BICC1: variants seen among roughly 807,000 people sequenced by gnomAD.
BICC1 encodes the protein protein bicaudal C homolog 1.
In BICC1, 43 loss-of-function variants were observed where a neutral mutation model predicts 111.0. The ratio of observed to expected loss-of-function variants is 0.39; its 90% CI spans 0.30 to 0.50. The LOEUF is 0.50. Among genes scored for constraint, BICC1 ranks in the 20% least tolerant of loss-of-function variants. BICC1 has a pLI of 0.88. For synonymous variants in BICC1, 467 were observed against 434.4 expected (o/e 1.07, Z -0.93); for missense variants, 1,091 against 1,203.2 (o/e 0.91, Z 1.38).
chr10:58,534,185 C>T (rs1194844865), intron 1 of BICC1, among the ~76,000 whole-genome samples: 1 of 151,700 alleles, frequency 6.6e-6, no homozygotes, highest in Non-Finnish European at 1.5e-5. Context: ...CATTAAGTCT[C>T]CCCTTACCCA....
chr10:58,819,687 G>C (rs1589171440), intron 19 of BICC1, among the ~76,000 whole-genome samples: 1 of 152,208 alleles, frequency 6.6e-6, no homozygotes, highest in African/African-American at 2.4e-5. Context: ...TCAACCCTCT[G>C]TGCCCACAGC....
At chr10:58,527,666 T>G (rs1489415557) in intron 1 of BICC1, among the ~76,000 whole-genome samples, 1 of 152,116 alleles carries the variant, frequency 6.6e-6, no homozygotes, top group Admixed American at 6.6e-5. Flanking sequence ...CCAGCACCAT[T>G]TATTAAATAG....
intron 17 of BICC1, among the ~76,000 whole-genome samples, chr10:58,811,624 A>T (rs1843907780): frequency 6.6e-6 from 1 of 152,148 alleles, no homozygotes; most frequent in South Asian, 2.1e-4. Context: ...ACAATTTTAT[A>T]CACTGGTAAT....
intron 1 of BICC1, among the ~76,000 whole-genome samples, chr10:58,594,589 GA>G (rs1375628649): frequency 6.6e-6 from 1 of 152,104 alleles, no homozygotes; most frequent in African/African-American, 2.4e-5. Context: ...TTAAAGAAAA[GA>G]ATTTTCAACC....
intron 1 of BICC1, among the ~76,000 whole-genome samples, chr10:58,556,569 A>G (rs545474132): frequency 3.0e-4 from 45 of 152,242 alleles, no homozygotes; most frequent in South Asian, 1.7e-3. Context: ...CAGTTGATGC[A>G]GGCAGGCAGA....
intron 2 of BICC1, among the ~76,000 whole-genome samples, chr10:58,634,701 A>G (rs1180992663): frequency 6.6e-6 from 1 of 152,184 alleles, no homozygotes; most frequent in Non-Finnish European, 1.5e-5. Flanking sequence ...CCCACTGTGC[A>G]GTCAAAAATT....
At chr10:58,735,436 T>A (rs1841437779) in intron 3 of BICC1, among the ~76,000 whole-genome samples, 1 of 152,208 alleles carries the variant, frequency 6.6e-6, no homozygotes, top group Admixed American at 6.5e-5. Flanking sequence ...AATTAAACCC[T>A]TATATATGCA....
At chr10:58,770,149 T>C (rs1055301036) in intron 3 of BICC1, among the ~76,000 whole-genome samples, 5 of 152,126 alleles carry the variant, frequency 3.3e-5, no homozygotes, top group Admixed American at 6.5e-5. Context: ...TATTTTCTAA[T>C]ATGTAGGTAT....
intron 1 of BICC1, among the ~76,000 whole-genome samples, chr10:58,610,677 C>T (rs946056758): frequency 6.6e-6 from 1 of 150,656 alleles, no homozygotes; most frequent in Non-Finnish European, 1.5e-5. Context: ...TGTTTTATTT[C>T]GTGTTTCATT....
In BICC1 at chr10:58,801,141, T is replaced by A. The variant is rs79796071; in HGVS notation, c.2015+95T>A. ...TTAGTACTCTTTGATTCAAGTCATG[T>A]TTGATCTCATCCATGGGTGTTTTCA... On this transcript the variant is annotated intron_variant, in intron 14 of 20. Transcript: ENST00000373886. 1,659 of 1,104,176 alleles carry A rather than the reference T, an allele frequency of 1.5e-3. 39 individuals carry two copies. In the East Asian group the frequency reaches 0.046, roughly 31 times the overall value. 68.4% of individuals were successfully genotyped at this position (1,104,176 alleles called of 1,614,324 possible).
intron 6 of BICC1, 127 bp from the exon 7 acceptor site, chr10:58,789,135 A>G: frequency 1.3e-6 from 1 of 757,680 alleles, no homozygotes; most frequent in African/African-American, 1.8e-5. Context: ...ATGTAGCTAA[A>G]CTTAATATCT....
chr10:58,767,693 G>A (rs1353607763), intron 3 of BICC1, among the ~76,000 whole-genome samples: 2 of 152,074 alleles, frequency 1.3e-5, no homozygotes, highest in Admixed American at 6.6e-5. Context: ...AATAAAATCA[G>A]TGTAAATCTA....
intron 3 of BICC1, among the ~76,000 whole-genome samples, chr10:58,714,042 C>T (rs183992146): frequency 6.6e-6 from 1 of 152,196 alleles, no homozygotes; most frequent in Non-Finnish European, 1.5e-5. Context: ...AGGGTAGAGC[C>T]GAGGGCCGCT....
intron 17 of BICC1, among the ~76,000 whole-genome samples, chr10:58,809,536 G>A (rs963457312): frequency 6.6e-6 from 1 of 152,018 alleles, no homozygotes; most frequent in Non-Finnish European, 1.5e-5. Flanking sequence ...TACCACGCCT[G>A]GCCAGTTCTT....
intron 1 of BICC1, among the ~76,000 whole-genome samples, chr10:58,561,985 G>T (rs1270234456): frequency 1.3e-5 from 2 of 152,002 alleles, no homozygotes; most frequent in Non-Finnish European, 2.9e-5. Context: ...TGATAAATTT[G>T]CTGTTAGTAT....
At chr10:58,617,031 T>C (rs1200233553) in intron 1 of BICC1, among the ~76,000 whole-genome samples, 4 of 152,254 alleles carry the variant, frequency 2.6e-5, no homozygotes, top group African/African-American at 9.6e-5. Flanking sequence ...TTGAGCTGGA[T>C]GTGCATGTGA....
At chr10:58,608,223 C>T (rs531507727) in intron 1 of BICC1, among the ~76,000 whole-genome samples, 1 of 152,242 alleles carries the variant, frequency 6.6e-6, no homozygotes, top group East Asian at 1.9e-4. Flanking sequence ...TCTCCTGCTT[C>T]CACTGCCCCA....
chr10:58,798,986 ATT>A, intron 11 of BICC1, 68 bp from the exon 12 acceptor site: 3 of 1,177,282 alleles, frequency 2.5e-6, no homozygotes, highest in Non-Finnish European at 2.4e-6. Context: ...TGATATTTTT[ATT>A]GTTAATAAAA....
chr10:58,551,964 T>TTGG (rs770930056), intron 1 of BICC1, among the ~76,000 whole-genome samples: 1 of 151,390 alleles, frequency 6.6e-6, no homozygotes, highest in African/African-American at 2.4e-5. Flanking sequence ...AAGTTTTTTT[T>TTGG]GGGGGGGGAT....
Sources: allele counts gnomAD v4.1 joint callset (sites outside exome capture counted in the v4.1 genomes callset), GRCh38; gene constraint gnomAD v4.1.1; transcripts MANE v1.5; gene names NCBI Gene and HGNC (gene_info 2026-07-23, HGNC 2026-07-21).